The following RNF2 variants were observed in gnomAD, a reference collection of about 807,000 sequenced individuals.
RNF2 encodes the protein ring finger protein 2, also known as E3 ubiquitin-protein ligase RING2.
Under a neutral mutation model 37.2 loss-of-function variants are expected in RNF2, and 6 were observed. That is an observed-to-expected ratio of 0.16 (90% CI 0.09 to 0.32). The LOEUF is 0.32. RNF2 is among the 10% of genes least tolerant of loss of function. The pLI is 1.00. For missense variants in RNF2, 251 were observed against 404.0 expected, an observed-to-expected ratio of 0.62 and a Z score of 3.25; for synonymous variants, 133 against 132.7, an observed-to-expected ratio of 1.00 and a Z score of -0.02.
chr1:185,070,842 T>G (rs550719369), intron 1 of RNF2, among the ~76,000 whole-genome samples: 2 of 152,180 alleles, frequency 1.3e-5, no homozygotes, highest in Admixed American at 1.3e-4. Flanking sequence ...TTCACCGTAT[T>G]AGCCGGGATG....
At position 185,100,527 on chromosome 1, in the gene RNF2, A is replaced by G. The variant is rs1484720975; in HGVS notation, c.*226A>G. The G allele has an allele frequency of 1.2e-5, 4 of 333,486 alleles. No homozygotes were observed. The highest frequency in any genetic ancestry group is 1.6e-5 in the Non-Finnish European group (3 of 186,858). The allele number at this position is 333,486 out of a possible 1,614,324, so 20.7% of individuals were successfully genotyped here. A position where few individuals can be genotyped will look rare whatever the true frequency, so the allele number is the denominator to read the frequency against. Reference sequence around the variant, plus strand: ...TTTTTTCTTTCCTTTAAAAAAATATATCTGAAGTTTCTTGTGTTTTTTTTT... The same window carrying G: ...TTTTTTCTTTCCTTTAAAAAAATATGTCTGAAGTTTCTTGTGTTTTTTTTT... On this transcript the variant is annotated 3_prime_UTR_variant, in exon 7 of 7. Transcript: ENST00000367510.
At chr1:185,074,103 A>T (rs1651073090) in intron 1 of RNF2, among the ~76,000 whole-genome samples, 1 of 152,220 alleles carries the variant, frequency 6.6e-6, no homozygotes, top group Non-Finnish European at 1.5e-5. Flanking sequence ...AGTTTGTTAT[A>T]AAGGACATTA....
At chr1:185,083,260 T>C (rs1269926563) in intron 1 of RNF2, among the ~76,000 whole-genome samples, 1 of 152,206 alleles carries the variant, frequency 6.6e-6, no homozygotes, top group East Asian at 1.9e-4. Flanking sequence ...TTCGAAGGAT[T>C]GTATGTTTGT....
At chr1:185,087,139 G>A (rs1428169384) in intron 1 of RNF2, among the ~76,000 whole-genome samples, 1 of 152,138 alleles carries the variant, frequency 6.6e-6, no homozygotes, top group African/African-American at 2.4e-5. Context: ...CTAAAAATCA[G>A]TTTTGAGATT....
At chr1:185,098,954 G>A (rs551333685) in intron 5 of RNF2, among the ~76,000 whole-genome samples, 4 of 151,262 alleles carry the variant, frequency 2.6e-5, no homozygotes, top group Non-Finnish European at 5.9e-5. Context: ...GTTTCACCAT[G>A]TTGGCCAGGA....
chr1:185,053,503 C>A (rs1388391689), intron 1 of RNF2, among the ~76,000 whole-genome samples: 1 of 151,722 alleles, frequency 6.6e-6, no homozygotes, highest in East Asian at 1.9e-4. Context: ...CACTAATATT[C>A]TTATTTTCTT....
chr1:185,077,288 C>A (rs1337946200), intron 1 of RNF2, among the ~76,000 whole-genome samples: 3 of 151,290 alleles, frequency 2.0e-5, no homozygotes, highest in Non-Finnish European at 4.4e-5. Flanking sequence ...CTCTCCCCAT[C>A]CTCCTCCCCC....
intron 1 of RNF2, among the ~76,000 whole-genome samples, chr1:185,051,220 T>G (rs978845896): frequency 6.6e-6 from 1 of 152,104 alleles, no homozygotes; most frequent in Non-Finnish European, 1.5e-5. Context: ...CTATATAGAG[T>G]CTTATTCAGT....
chr1:185,072,797 G>T (rs924259562), intron 1 of RNF2, among the ~76,000 whole-genome samples: 1 of 151,950 alleles, frequency 6.6e-6, no homozygotes, highest in Non-Finnish European at 1.5e-5. Context: ...AAAATCAGGC[G>T]GGCATAGTGG....
intron 1 of RNF2, among the ~76,000 whole-genome samples, chr1:185,068,602 G>T (rs889655863): frequency 2.0e-5 from 3 of 152,218 alleles, no homozygotes; most frequent in Non-Finnish European, 4.4e-5. Flanking sequence ...CTCCCCTAGG[G>T]CCTCTGGAAG....
chr1:185,089,991 G>A (rs539072292), intron 2 of RNF2, among the ~76,000 whole-genome samples: 5 of 152,004 alleles, frequency 3.3e-5, no homozygotes, highest in East Asian at 1.9e-4. Context: ...GCGTGATCGC[G>A]GCTCACTGCA....
chr1:185,046,169 C>G (rs972968410), intron 1 of RNF2: 1 of 151,276 alleles, frequency 6.6e-6, no homozygotes, highest in African/African-American at 2.4e-5. Flanking sequence ...TCTGGGGGGT[C>G]GGAGTCGGGG....
intron 1 of RNF2, among the ~76,000 whole-genome samples, chr1:185,083,295 C>T (rs12409926): frequency 0.098 from 14,868 of 152,098 alleles, 946 homozygotes; most frequent in East Asian, 0.26. Context: ...TGTCAGTTTT[C>T]TCAGGTTCTT....
rs1223285847 is a variant in RNF2, at chr1:185,101,075, TTTTTGTA to T, written c.*777_*783del. ...TCAAGTATACGTTTGAGAGTGCTTT[TTTTTGTA>T]TTAGTTCTGCTGTCACTTCATTTCC... is the stretch of plus-strand genomic sequence containing the variant. On this transcript the variant is annotated 3_prime_UTR_variant, in exon 7 of 7. Coordinates refer to ENST00000367510, the MANE Select transcript of RNF2 (RefSeq NM_007212.4). The T allele has an allele frequency of 6.6e-6, 1 of 152,538 alleles. No homozygotes were observed. The highest frequency in any genetic ancestry group is 1.5e-5 in the Non-Finnish European group (1 of 67,976). The allele number at this position is 152,538 out of a possible 1,614,324, so 9.4% of individuals were successfully genotyped here.
intron 3 of RNF2, 79 bp downstream of exon 3, chr1:185,091,818 C>CTTTTT: frequency 9.5e-7 from 1 of 1,056,064 alleles, no homozygotes; most frequent in Non-Finnish European, 1.3e-6. Context: ...AATACATTTT[C>CTTTTT]TTTTTTTTTT....
chr1:185,055,457 G>A (rs2102154773), intron 1 of RNF2, among the ~76,000 whole-genome samples: 1 of 152,142 alleles, frequency 6.6e-6, no homozygotes, highest in Middle Eastern at 3.4e-3. Context: ...TTCTCACTTT[G>A]CTCCTCAGGC....
At chr1:185,061,917 C>T (rs1406043256) in intron 1 of RNF2, among the ~76,000 whole-genome samples, 1 of 152,200 alleles carries the variant, frequency 6.6e-6, no homozygotes, top group Non-Finnish European at 1.5e-5. Context: ...GGACCCTCAG[C>T]TATAAGTGAC....
At chr1:185,054,047 C>A (rs948287870) in intron 1 of RNF2, among the ~76,000 whole-genome samples, 4 of 152,146 alleles carry the variant, frequency 2.6e-5, no homozygotes, top group Non-Finnish European at 4.4e-5. Flanking sequence ...CATTAAACAT[C>A]TTCACAAATG....
At chr1:185,085,276 A>G (rs994901382) in intron 1 of RNF2, among the ~76,000 whole-genome samples, 2 of 147,648 alleles carry the variant, frequency 1.4e-5, no homozygotes, top group Admixed American at 6.9e-5. Context: ...AGCCTCCCCA[A>G]TAACTGGGAC....
Sources: allele counts gnomAD v4.1 joint callset (sites outside exome capture counted in the v4.1 genomes callset), GRCh38; gene constraint gnomAD v4.1.1; transcripts MANE v1.5; gene names NCBI Gene and HGNC (gene_info 2026-07-23, HGNC 2026-07-21).